Variants in RIF1 observed in about 807,000 individuals in gnomAD.
RIF1 encodes replication timing regulatory factor 1.
RIF1 carries 45 observed loss-of-function variants against 247.1 expected under a neutral mutation model. The observed-to-expected ratio is 0.18, with a 90% confidence interval of 0.14 to 0.23. The LOEUF (loss-of-function observed/expected upper bound fraction) is 0.23, where lower values mean the gene tolerates loss of function less well. Among genes scored for constraint, RIF1 ranks in the 10% least tolerant of loss-of-function variants. RIF1 has a pLI of 1.00. For missense variants in RIF1, 2,967 were observed against 2,862.5 expected (o/e 1.04, Z -0.83); for synonymous variants, 1,087 against 978.8 (o/e 1.11, Z -2.06).
chr2:151,422,504 A>ATTTT (rs780843381), intron 7 of RIF1, among the ~76,000 whole-genome samples: 1 of 141,206 alleles, frequency 7.1e-6, no homozygotes, highest in African/African-American at 2.6e-5. Flanking sequence ...TTTTGGGAAA[A>ATTTT]TTTTTTTTTT....
chr2:151,505,417 C>G (rs2153168817), intron 12 of RIF1: 1 of 1,367,146 alleles, frequency 7.3e-7, no homozygotes, highest in Non-Finnish European at 1.0e-6. Context: ...TGAGAGAGCA[C>G]CAGGGTAGCA....
Position 151,464,164 on chromosome 2 carries a change from C to T in RIF1, c.4644C>T (p.Ser1548=), listed in dbSNP as rs1696583297. ...GAGCATCTCAGGGTTTGCTTTCCAG[C>T]ATTGAAAACTCAGAATCTGATAGTT... ...TRRASQGLLS[S]IENSESDSSE... The change falls in exon 30 of 36, where the codon AGC becomes AGT. Residue 1548 remains serine, a synonymous_variant. Coordinates refer to ENST00000444746, the MANE Select transcript of RIF1 (RefSeq NM_018151.5). 1.2e-6 allele frequency: 2 copies of T among 1,609,638 alleles called. No homozygotes were observed. Among genetic ancestry groups the T allele is most frequent in the Non-Finnish European group, 1.7e-6 (2 of 1,178,956 alleles).
intron 6 of RIF1, among the ~76,000 whole-genome samples, chr2:151,418,957 A>T (rs1687682512): frequency 7.2e-6 from 1 of 139,516 alleles, no homozygotes; most frequent in East Asian, 2.2e-4. Context: ...TTATTCTAGG[A>T]GCCTTAAATT....
At chr2:151,442,046 C>G (rs1558974886) in intron 16 of RIF1, 55 bp downstream of exon 16, 2 of 250,834 alleles carry the variant, frequency 8.0e-6, no homozygotes, top group African/African-American at 1.3e-4. Flanking sequence ...TTATACTTCC[C>G]TTTTTTATTT....
chr2:151,434,389 C>A (rs767562019), intron 10 of RIF1, among the ~76,000 whole-genome samples: 1 of 151,560 alleles, frequency 6.6e-6, no homozygotes, highest in East Asian at 1.9e-4. Flanking sequence ...TTAATCTTAA[C>A]CTAAACCTTT....
chr2:151,433,292 C>A, intron 10 of RIF1, 64 bp downstream of exon 10: 1 of 1,295,934 alleles, frequency 7.7e-7, no homozygotes, highest in Non-Finnish European at 1.1e-6. Flanking sequence ...AAATTCTTAC[C>A]AATGTAATCC....
the RIF1 span, chr2:151,516,632 A>AT: frequency 5.8e-5 from 59 of 1,010,052 alleles, no homozygotes; most frequent in African/African-American, 3.0e-4. Context: ...TAAGGATAGT[A>AT]TTTTTTAATT....
At chr2:151,514,053 A>G in the RIF1 span, among the ~76,000 whole-genome samples, 1 of 152,086 alleles carries the variant, frequency 6.6e-6, no homozygotes, top group Non-Finnish European at 1.5e-5. Flanking sequence ...GTAGATGAGC[A>G]CACCAAATAT....
intron 9 of RIF1, chr2:151,490,508 C>G (rs376897146): frequency 6.2e-7 from 1 of 1,609,088 alleles, no homozygotes; most frequent in South Asian, 1.1e-5. Context: ...GGCTCCGGCG[C>G]TGAGCTTGGA....
chr2:151,513,590 A>G, the RIF1 span: 3 of 1,605,728 alleles, frequency 1.9e-6, no homozygotes, highest in Non-Finnish European at 2.6e-6. Flanking sequence ...CTGACTGGCA[A>G]TATCAGTAGC....
downstream of RIF1, chr2:151,508,135 G>A: frequency 6.6e-7 from 1 of 1,515,652 alleles, no homozygotes; most frequent in Non-Finnish European, 9.1e-7. Flanking sequence ...AAGAAATAAG[G>A]AGGGTAAACA....
rs1160878601 is a variant in RIF1, at chr2:151,409,982, G to A, written c.-62G>A. The A allele has an allele frequency of 2.8e-6, 2 of 702,360 alleles. No homozygotes were observed. The highest frequency in any genetic ancestry group is 2.7e-5 in the East Asian group (1 of 37,260). The allele number at this position is 702,360 out of a possible 1,614,324, so 43.5% of individuals were successfully genotyped here. A position where few individuals can be genotyped will look rare whatever the true frequency, so the allele number is the denominator to read the frequency against. ...GCTGGGAAAGTCGAGCTCTGGCAGC[G>A]TCTGGGTGCTGAGGGGCAGAGGCGG... On this transcript the variant is annotated 5_prime_UTR_variant, in exon 1 of 36. Coordinates refer to ENST00000444746, the MANE Select transcript of RIF1 (RefSeq NM_018151.5).
At chr2:151,519,097 T>C in the RIF1 span, 1 of 1,411,076 alleles carries the variant, frequency 7.1e-7, no homozygotes, top group Non-Finnish European at 1.0e-6. Flanking sequence ...AGAAAGGAAA[T>C]CACGTAAATA....
intron 9 of RIF1, among the ~76,000 whole-genome samples, chr2:151,488,652 TAAAA>T (rs60310785): frequency 2.0e-5 from 3 of 151,006 alleles, no homozygotes; most frequent in African/African-American, 4.9e-5. Context: ...TCTCTAAAAA[TAAAA>T]AAAAAGTATT....
At chr2:151,496,447 C>T (rs1171843242) in intron 10 of RIF1, 7 of 1,498,290 alleles carry the variant, frequency 4.7e-6, no homozygotes, top group Admixed American at 2.3e-5. Context: ...GTAAGGTCAA[C>T]TTCCTTGTTA....
In RIF1 at chr2:151,461,006, C is replaced by T. The variant is rs928495004; in HGVS notation, c.3076-132C>T. ...TGGGGAACATTGTACTAATTTGTTA[C>T]GGATCATGAGTATCATCAACTTTCA... On this transcript the variant is annotated intron_variant, in intron 26 of 35. Coordinates refer to ENST00000444746, the MANE Select transcript of RIF1 (RefSeq NM_018151.5). 1.9e-5 allele frequency: 15 copies of T among 787,844 alleles called. No individual in the cohort carries two copies. The Admixed American group carries it at 2.4e-4, about 13-fold the overall frequency. 48.8% of individuals were successfully genotyped at this position (787,844 alleles called of 1,614,324 possible).
At chr2:151,448,895 A>G (rs181225035) in intron 20 of RIF1, among the ~76,000 whole-genome samples, 118 of 152,222 alleles carry the variant, frequency 7.8e-4, no homozygotes, top group Non-Finnish European at 5.9e-5. Flanking sequence ...GGTCTTAGTT[A>G]GGCTTTCTCC....
In RIF1 at chr2:151,480,606, T is replaced by A. The variant is rs1234655548; in HGVS notation, c.*5535T>A. 6.6e-6 allele frequency: 1 copy of A among 152,192 alleles called. No homozygotes were observed. Among genetic ancestry groups the A allele is most frequent in the African/African-American group, 2.4e-5 (1 of 41,452 alleles). 9.4% of individuals were successfully genotyped at this position (152,192 alleles called of 1,614,324 possible). A position where few individuals can be genotyped will look rare whatever the true frequency, so the allele number is the denominator to read the frequency against. ...TACTCCCACAAAAGCAGTAAGTTAA[T>A]AAGTATTTCCAACAAAAGGCAGCTT... On this transcript the variant is annotated 3_prime_UTR_variant, in exon 36 of 36. Transcript: ENST00000444746.
intron 27 of RIF1, 39 bp from the exon 28 acceptor site, chr2:151,462,203 A>T (rs776586541): frequency 8.8e-7 from 1 of 1,138,888 alleles, no homozygotes; most frequent in South Asian, 1.5e-5. Flanking sequence ...TAAGAATATC[A>T]TCCGGTTTTT....
Sources: allele counts gnomAD v4.1 joint callset (sites outside exome capture counted in the v4.1 genomes callset), GRCh38; gene constraint gnomAD v4.1.1; transcripts MANE v1.5; gene names NCBI Gene and HGNC (gene_info 2026-07-23, HGNC 2026-07-21).